The following DNM3 variants were observed in gnomAD, a reference collection of about 807,000 sequenced individuals.
DNM3 encodes dynamin-3.
In DNM3, 47 loss-of-function variants were observed where a neutral mutation model predicts 101.6. That is an observed-to-expected ratio of 0.46 (90% CI 0.37 to 0.59). DNM3 has a LOEUF of 0.59. Ranked by LOEUF, DNM3 falls within the 20% of genes least tolerant of loss-of-function variation. The probability of loss-of-function intolerance (pLI) is 0.00; values close to 1 mark genes in which losing one functional copy is unlikely to be tolerated. For synonymous variants in DNM3, 385 were observed against 387.9 expected, an observed-to-expected ratio of 0.99 and a Z score of 0.09; for missense variants, 849 against 1,085.7, an observed-to-expected ratio of 0.78 and a Z score of 3.06.
intron 1 of DNM3, among the ~76,000 whole-genome samples, chr1:171,920,392 C>T (rs2040062485): frequency 1.3e-5 from 2 of 152,184 alleles, no homozygotes; most frequent in African/African-American, 4.8e-5. Flanking sequence ...TGACTTGAGG[C>T]CAGTGGTTTT....
chr1:171,862,399 A>G (rs2034270762), intron 1 of DNM3, among the ~76,000 whole-genome samples: 1 of 152,222 alleles, frequency 6.6e-6, no homozygotes, highest in Non-Finnish European at 1.5e-5. Context: ...ATGGAGTATT[A>G]TTGAGCCATA....
chr1:171,898,800 A>G (rs1361576940), intron 1 of DNM3, among the ~76,000 whole-genome samples: 1 of 151,326 alleles, frequency 6.6e-6, no homozygotes, highest in African/African-American at 2.4e-5. Context: ...CATATTTACT[A>G]TTCTGTTACC....
chr1:172,208,196 G>A (rs2060388159), intron 14 of DNM3, among the ~76,000 whole-genome samples: 1 of 152,074 alleles, frequency 6.6e-6, no homozygotes, highest in Admixed American at 6.6e-5. Context: ...ACAAGTAGTA[G>A]AAGACAGAAA....
chr1:172,239,063 G>T (rs2061647665), intron 14 of DNM3, among the ~76,000 whole-genome samples: 1 of 152,142 alleles, frequency 6.6e-6, no homozygotes, highest in Non-Finnish European at 1.5e-5. Flanking sequence ...CTCTCAGCCT[G>T]TAGTCACATC....
intron 13 of DNM3, 66 bp from the exon 14 acceptor site, chr1:172,131,109 A>G: frequency 2.9e-6 from 4 of 1,388,442 alleles, no homozygotes; most frequent in Middle Eastern, 1.8e-4. Flanking sequence ...TTCTTAGTCC[A>G]AGACATCTAA....
At chr1:172,371,887 CT>C (rs1001332768) in intron 17 of DNM3, among the ~76,000 whole-genome samples, 1 of 141,128 alleles carries the variant, frequency 7.1e-6, no homozygotes, top group Non-Finnish European at 1.5e-5. Flanking sequence ...ATTTTTTTTA[CT>C]TTTTTATTTA....
intron 1 of DNM3, among the ~76,000 whole-genome samples, chr1:171,883,692 G>A (rs920651058): frequency 3.9e-5 from 6 of 151,914 alleles, no homozygotes; most frequent in South Asian, 2.1e-4. Context: ...GGCTGGTCTC[G>A]AACTCCTCAC....
rs185676752 is a variant in DNM3, at chr1:171,984,379, C to G, written c.236-3277C>G. Among the ~76,000 whole-genome samples, 1,091 of 152,272 alleles carry G rather than the reference C, an allele frequency of 7.2e-3. 10 individuals carry two copies. The highest frequency in any genetic ancestry group is 8.4e-3 in the Non-Finnish European group (570 of 68,008). ...CATCCAGGCCTGTCCACAGCACTGG[C>G]CTTGTTTCCCACCTCCCTCCCCTCC... On this transcript the variant is annotated intron_variant, in intron 2 of 20. Coordinates refer to ENST00000627582, the MANE Select transcript of DNM3 (RefSeq NM_015569.5).
chr1:172,176,895 G>T (rs1409688641), intron 14 of DNM3, among the ~76,000 whole-genome samples: 1 of 151,674 alleles, frequency 6.6e-6, no homozygotes. Flanking sequence ...AAAAGAGGTT[G>T]GAGGGAGGAA....
At chr1:172,357,126 A>G (rs748215641) in intron 17 of DNM3, among the ~76,000 whole-genome samples, 20 of 152,118 alleles carry the variant, frequency 1.3e-4, no homozygotes, top group Non-Finnish European at 2.1e-4. Flanking sequence ...TAATTAATTA[A>G]TTTAGAAGAG....
At chr1:172,219,161 T>C (rs1439968605) in intron 14 of DNM3, among the ~76,000 whole-genome samples, 1 of 151,756 alleles carries the variant, frequency 6.6e-6, no homozygotes, top group Non-Finnish European at 1.5e-5. Context: ...AAGACCAGCC[T>C]GGGCAACATA....
intron 15 of DNM3, among the ~76,000 whole-genome samples, chr1:172,302,059 A>G (rs2064482270): frequency 6.6e-6 from 1 of 152,214 alleles, no homozygotes; most frequent in South Asian, 2.1e-4. Context: ...ACAGAGGACG[A>G]GCCAAAGCAG....
At chr1:172,266,918 A>G (rs553653639) in intron 15 of DNM3, among the ~76,000 whole-genome samples, 7 of 152,162 alleles carry the variant, frequency 4.6e-5, no homozygotes, top group Admixed American at 3.3e-4. Context: ...CCCATGCTTT[A>G]TCCTTAGTCA....
At chr1:172,151,764 C>T (rs2058137186) in intron 14 of DNM3, among the ~76,000 whole-genome samples, 1 of 152,096 alleles carries the variant, frequency 6.6e-6, no homozygotes, top group Non-Finnish European at 1.5e-5. Flanking sequence ...AACTTGCATC[C>T]ATAGGCATTT....
At chr1:172,150,372 A>T (rs544821819) in intron 14 of DNM3, among the ~76,000 whole-genome samples, 2 of 152,290 alleles carry the variant, frequency 1.3e-5, no homozygotes, top group East Asian at 3.9e-4. Context: ...AGTATTAATC[A>T]ACTAAAAATG....
At chr1:172,243,315 A>G (rs2061818030) in intron 14 of DNM3, among the ~76,000 whole-genome samples, 1 of 152,156 alleles carries the variant, frequency 6.6e-6, no homozygotes, top group Non-Finnish European at 1.5e-5. Flanking sequence ...CATTTCAAGG[A>G]TATTAGCTGT....
At chr1:171,956,290 A>G (rs1489307893) in intron 2 of DNM3, among the ~76,000 whole-genome samples, 1 of 152,210 alleles carries the variant, frequency 6.6e-6, no homozygotes, top group Non-Finnish European at 1.5e-5. Flanking sequence ...TACTTCCTAG[A>G]TACAATGGGG....
intron 2 of DNM3, among the ~76,000 whole-genome samples, chr1:171,947,407 C>T (rs1427949784): frequency 6.6e-6 from 1 of 152,088 alleles, no homozygotes; most frequent in Non-Finnish European, 1.5e-5. Context: ...TGTGCATTAT[C>T]CATCAAGGCT....
At chr1:171,953,537 C>T (rs1441620080) in intron 2 of DNM3, among the ~76,000 whole-genome samples, 2 of 151,742 alleles carry the variant, frequency 1.3e-5, no homozygotes, top group African/African-American at 2.4e-5. Context: ...AAGCAATTCT[C>T]CTGCCTCAGC....
Sources: gnomAD v4.1 joint callset for allele counts (sites outside exome capture counted in the v4.1 genomes callset) on GRCh38, gnomAD v4.1.1 for gene constraint, MANE v1.5 for transcripts, NCBI Gene and HGNC (gene_info 2026-07-23, HGNC 2026-07-21) for gene names.